OBI1: variants seen among roughly 807,000 people sequenced by gnomAD.
OBI1 encodes ring finger protein 219.
A neutral mutation model predicts 62.4 loss-of-function variants in OBI1; 59 were observed. The observed-to-expected ratio is 0.95, with a 90% CI of 0.77 to 1.17. The LOEUF (loss-of-function observed/expected upper bound fraction) is 1.17, where lower values mean the gene tolerates loss of function less well. Ranked by LOEUF, OBI1 falls within the 50% of genes most tolerant of loss-of-function variation. The probability of loss-of-function intolerance (pLI) is 0.00; values close to 1 mark genes in which losing one functional copy is unlikely to be tolerated. For missense variants in OBI1, 875 were observed against 830.9 expected, an observed-to-expected ratio of 1.05 and a Z score of -0.65; for synonymous variants, 302 against 292.8, an observed-to-expected ratio of 1.03 and a Z score of -0.32.
intron 1 of OBI1, among the ~76,000 whole-genome samples, chr13:78,645,471 A>G (rs1029901533): frequency 1.9e-4 from 29 of 152,218 alleles, no homozygotes; most frequent in Non-Finnish European, 3.2e-4. Context: ...ACTTTACTAG[A>G]AATTCCCCAA....
intron 1 of OBI1, among the ~76,000 whole-genome samples, chr13:78,649,171 T>C (rs1876472712): frequency 6.6e-6 from 1 of 152,102 alleles, no homozygotes; most frequent in Non-Finnish European, 1.5e-5. Context: ...GTCACTGCCA[T>C]AAAAGACATG....
intron 5 of OBI1, 108 bp downstream of exon 5, chr13:78,635,002 A>C: frequency 1.6e-6 from 1 of 629,494 alleles, no homozygotes; most frequent in South Asian, 2.4e-5. Flanking sequence ...CATTCTACCT[A>C]AATCTACATG....
chr13:78,620,072 C>A (rs544746050), intron 5 of OBI1, among the ~76,000 whole-genome samples: 31 of 152,266 alleles, frequency 2.0e-4, no homozygotes, highest in Non-Finnish European at 1.3e-4. Flanking sequence ...TACTGCTCCA[C>A]CCCAAAAAAC....
At chr13:78,622,809 A>C (rs1190728333) in intron 5 of OBI1, among the ~76,000 whole-genome samples, 1 of 152,190 alleles carries the variant, frequency 6.6e-6, no homozygotes, top group Non-Finnish European at 1.5e-5. Context: ...AGGTCCTGGT[A>C]CTGGTATCTA....
At chr13:78,643,572 T>C (rs886231006) in intron 2 of OBI1, among the ~76,000 whole-genome samples, 2 of 152,208 alleles carry the variant, frequency 1.3e-5, no homozygotes, top group African/African-American at 4.8e-5. Context: ...GCAGATCACC[T>C]GAGGTCGGGA....
At chr13:78,637,823 T>C (rs1463532673) in intron 4 of OBI1, among the ~76,000 whole-genome samples, 2 of 152,154 alleles carry the variant, frequency 1.3e-5, no homozygotes, top group Non-Finnish European at 2.9e-5. Flanking sequence ...ACCCTGGCCT[T>C]TTCTGAGCCC....
At chr13:78,645,076 G>A in intron 1 of OBI1, 79 bp from the exon 2 acceptor site, 1 of 1,358,812 alleles carries the variant, frequency 7.4e-7, no homozygotes, top group Non-Finnish European at 1.0e-6. Context: ...ACAGCAAACT[G>A]CTTCTCTAGA....
intron 1 of OBI1, 103 bp from the exon 2 acceptor site, chr13:78,645,100 G>C: frequency 8.6e-7 from 1 of 1,162,258 alleles, no homozygotes; most frequent in Non-Finnish European, 1.2e-6. Flanking sequence ...TAGCAGAGTA[G>C]GAGTTTAAGA....
intron 5 of OBI1, among the ~76,000 whole-genome samples, chr13:78,624,521 A>C (rs1875607336): frequency 6.6e-6 from 1 of 152,216 alleles, no homozygotes; most frequent in African/African-American, 2.4e-5. Flanking sequence ...GGACTGGAGT[A>C]CAGTGGCATG....
In OBI1 at chr13:78,616,006, T is replaced by C; in HGVS notation, c.1755A>G (p.Glu585=). Residue 585 remains glutamate, a synonymous_variant, in exon 6 of 6, where the codon GAA becomes GAG. Coordinates refer to ENST00000282003, the MANE Select transcript of OBI1 (RefSeq NM_024546.4). The stretch of plus-strand genomic sequence containing the variant: ...CTTTGGAAAGGTTTAGCTCAGTTTT[T>C]TCTTCCAACTTATCAGGTTCCTCAA... ...EFLEEPDKLE[E]KTELNLSKGS... is the part of the protein sequence containing the mutation. The C allele has an allele frequency of 6.2e-7, 1 of 1,614,180 alleles. No homozygotes were observed. Among genetic ancestry groups the C allele is most frequent in the Non-Finnish European group, 8.5e-7 (1 of 1,180,020 alleles).
chr13:78,616,688 G>C lies in OBI1; in HGVS notation c.1073C>G (p.Thr358Arg), dbSNP rs1335289205. 2 of 1,614,110 alleles carry C rather than the reference G, an allele frequency of 1.2e-6. No individual in the cohort carries two copies. Among genetic ancestry groups the C allele is most frequent in the South Asian group, 1.1e-5 (1 of 91,070 alleles). ...QVEVMLDVTDTSMDTYLEREW... is the reference protein window; with the variant it reads ...QVEVMLDVTDRSMDTYLEREW... ...TCTTTCCAAATAAGTATCCATACTT[G>C]TATCTGTCACATCTAACATTACTTC... Residue 358 changes from threonine (T) to arginine (R), a missense_variant, in exon 6 of 6, where the codon ACA (threonine) becomes AGA (arginine). Transcript: ENST00000282003.
At chr13:78,634,886 A>G (rs918702902) in intron 5 of OBI1, among the ~76,000 whole-genome samples, 4 of 152,240 alleles carry the variant, frequency 2.6e-5, no homozygotes, top group African/African-American at 7.2e-5. Context: ...TATTCACCAG[A>G]TAAGAAAAAA....
rs73537048 is a variant in OBI1 at position 78,619,288 on chromosome 13, T to C, written c.639-2166A>G. The stretch of plus-strand genomic sequence containing the variant: ...TTTTAGCTTGGAATTTCAAATATAG[T>C]ATCATCTTAAGATACTGTATTTGCC... On this transcript the variant is annotated intron_variant, in intron 5 of 5. Coordinates refer to ENST00000282003, the MANE Select transcript of OBI1 (RefSeq NM_024546.4). Among the ~76,000 whole-genome samples, 770 of 151,930 alleles carry C rather than the reference T, an allele frequency of 5.1e-3. 4 individuals are homozygous for C. Among genetic ancestry groups the C allele is most frequent in the African/African-American group, 0.017 (694 of 41,466 alleles).
chr13:78,628,989 A>C (rs1875764693), intron 5 of OBI1, among the ~76,000 whole-genome samples: 1 of 152,200 alleles, frequency 6.6e-6, no homozygotes, highest in Non-Finnish European at 1.5e-5. Flanking sequence ...ACTGATTTTA[A>C]ATTTCATTTC....
intron 3 of OBI1, among the ~76,000 whole-genome samples, chr13:78,640,881 C>T (rs1471357407): frequency 6.6e-6 from 1 of 152,152 alleles, no homozygotes; most frequent in Non-Finnish European, 1.5e-5. Flanking sequence ...AACCATCTAC[C>T]ATTTCCTTCT....
Position 78,616,061 on chromosome 13 carries a change from A to G in OBI1, c.1700T>C (p.Leu567Ser), listed in dbSNP as rs750489768. The G allele has an allele frequency of 1.9e-6, 3 of 1,614,192 alleles. No homozygotes were observed. The highest frequency in any genetic ancestry group is 2.2e-5 in the South Asian group (2 of 91,082). Reference sequence around the variant, plus strand: ...TTCACTGCCTTGAGATGACTTTGATAACCCATCCAAATCCAGTGACTTAAA... The same window carrying G: ...TTCACTGCCTTGAGATGACTTTGATGACCCATCCAAATCCAGTGACTTAAA... ...NGFKSLDLDG[L>S]SKSSQGSEFL... Residue 567 changes from leucine to serine, a missense_variant, in exon 6 of 6, where the codon TTA becomes TCA. Transcript: ENST00000282003.
At chr13:78,647,048 T>C (rs1876405874) in intron 1 of OBI1, among the ~76,000 whole-genome samples, 1 of 152,220 alleles carries the variant, frequency 6.6e-6, no homozygotes, top group Non-Finnish European at 1.5e-5. Context: ...ATAAAAGTCA[T>C]CACTATTCTC....
Position 78,639,000 on chromosome 13 carries a change from G to A in OBI1, c.372C>T (p.Ile124=), listed in dbSNP as rs776968452. 3.7e-6 allele frequency: 6 copies of A among 1,613,678 alleles called. No homozygotes were observed. Among genetic ancestry groups the A allele is most frequent in the East Asian group, 2.2e-5 (1 of 44,840 alleles). ...AGGTTAAAGGATCCAGAATAGTTTT[G>A]ATCTGTGACTCCAAGCTGAGATTTT... ...KSKNLSLESQ[I]KTILDPLTLV... The change falls in exon 4 of 6, where the codon ATC becomes ATT. Residue 124 remains isoleucine, a synonymous_variant. Coordinates refer to ENST00000282003, the MANE Select transcript of OBI1 (RefSeq NM_024546.4).
At position 78,616,422 on chromosome 13, in the gene OBI1, T is replaced by C. The variant is rs368417132; in HGVS notation, c.1339A>G (p.Ile447Val). 20 of 1,613,130 alleles carry C rather than the reference T, an allele frequency of 1.2e-5. No homozygotes were observed. The highest frequency in any genetic ancestry group is 1.2e-4 in the African/African-American group (9 of 74,828). Residue 447 changes from isoleucine (I) to valine (V), a missense_variant, in exon 6 of 6, where the codon ATA becomes GTA. Physicochemically the swap from Ile to Val is conservative, Grantham distance 29. Transcript: ENST00000282003. ...TTCTTTTCATTTTCACTTCTACTTA[T>C]ATCATCTTCTGAAGAATCTTTATTA... Reference protein sequence around the residue: ...VSNKDSSEDDISRSENEKKSE... With the variant: ...VSNKDSSEDDVSRSENEKKSE...
Sources: allele counts gnomAD v4.1 joint callset (sites outside exome capture counted in the v4.1 genomes callset), GRCh38; gene constraint gnomAD v4.1.1; transcripts MANE v1.5; gene names NCBI Gene and HGNC (gene_info 2026-07-23, HGNC 2026-07-21).